The following GRIP1 variants were observed in gnomAD, a reference collection of about 807,000 sequenced individuals.
GRIP1 encodes glutamate receptor interacting protein 1.
A neutral mutation model predicts 129.9 loss-of-function variants in GRIP1; 45 were observed. That is an observed-to-expected ratio of 0.35 (90% confidence interval 0.27 to 0.44). GRIP1 has a LOEUF of 0.44. GRIP1 is among the 20% of genes least tolerant of loss of function. The pLI is 1.00. For synonymous variants in GRIP1, 530 were observed against 520.8 expected (o/e 1.02, Z -0.24); for missense variants, 1,196 against 1,396.8 (o/e 0.86, Z 2.29).
intron 1 of GRIP1, among the ~76,000 whole-genome samples, chr12:66,620,303 G>A (rs918125347): frequency 3.3e-5 from 5 of 152,176 alleles, no homozygotes; most frequent in African/African-American, 9.7e-5. Context: ...GATCTGCTGA[G>A]GGAGCTCTCA....
intron 7 of GRIP1, among the ~76,000 whole-genome samples, chr12:66,495,579 G>A (rs565223021): frequency 5.3e-5 from 8 of 152,134 alleles, no homozygotes; most frequent in South Asian, 2.1e-4. Context: ...CCCACAGGTG[G>A]CATAGTTAAT....
At chr12:66,775,265 T>C (rs905500229) in intron 1 of GRIP1, among the ~76,000 whole-genome samples, 1 of 152,108 alleles carries the variant, frequency 6.6e-6, no homozygotes, top group Middle Eastern at 3.4e-3. Context: ...ACAAAGGGGG[T>C]TGGGACAATT....
At chr12:66,975,151 C>T (rs1466178161) in intron 1 of GRIP1, among the ~76,000 whole-genome samples, 2 of 152,160 alleles carry the variant, frequency 1.3e-5, no homozygotes, top group African/African-American at 2.4e-5. Context: ...AATATTCCTA[C>T]TGCCCCTCAT....
intron 1 of GRIP1, among the ~76,000 whole-genome samples, chr12:67,054,700 G>A (rs1293262830): frequency 1.3e-5 from 2 of 151,686 alleles, no homozygotes; most frequent in Non-Finnish European, 2.9e-5. Flanking sequence ...GGAGGTAGAG[G>A]CTGCAGTGAG....
intron 14 of GRIP1, among the ~76,000 whole-genome samples, chr12:66,426,709 T>C (rs2057998973): frequency 6.6e-6 from 1 of 152,080 alleles, no homozygotes; most frequent in African/African-American, 2.4e-5. Context: ...TGTACCCAAG[T>C]AGGGCTTGTG....
intron 1 of GRIP1, among the ~76,000 whole-genome samples, chr12:66,870,793 C>G (rs1379220764): frequency 6.6e-6 from 1 of 152,034 alleles, no homozygotes; most frequent in African/African-American, 2.4e-5. Flanking sequence ...ACAGTCATGG[C>G]CTTCGTATGT....
In GRIP1 at chr12:66,574,534, C is replaced by T. The variant is rs112675676; in HGVS notation, c.136+22313G>A. On this transcript the variant is annotated intron_variant, in intron 2 of 24. Transcript: ENST00000359742. ...CTTGGAGATCTTTTCATGACATGGCCTACAGGTCTACCTCATACGTTTAAC... is the reference window on the plus strand; with the variant it reads ...CTTGGAGATCTTTTCATGACATGGCTTACAGGTCTACCTCATACGTTTAAC... Among the ~76,000 whole-genome samples, 576 of 152,322 alleles carry T rather than the reference C, an allele frequency of 3.8e-3. 5 individuals are homozygous for T. Among genetic ancestry groups the T allele is most frequent in the African/African-American group, 0.013 (548 of 41,574 alleles).
intron 1 of GRIP1, among the ~76,000 whole-genome samples, chr12:66,747,830 A>T (rs918523591): frequency 1.3e-5 from 2 of 152,224 alleles, no homozygotes; most frequent in African/African-American, 4.8e-5. Context: ...TTTGATCTTT[A>T]ACTCCAAAGG....
intron 1 of GRIP1, among the ~76,000 whole-genome samples, chr12:66,778,029 G>T (rs986759127): frequency 1.3e-5 from 2 of 152,056 alleles, no homozygotes; most frequent in Non-Finnish European, 2.9e-5. Flanking sequence ...AAATTTTGAA[G>T]AATAATATAA....
intron 1 of GRIP1, among the ~76,000 whole-genome samples, chr12:66,789,366 A>T (rs1282301315): frequency 6.6e-6 from 1 of 152,190 alleles, no homozygotes; most frequent in East Asian, 1.9e-4. Context: ...GTTGTGTGAC[A>T]CTGGATAAGC....
intron 1 of GRIP1, among the ~76,000 whole-genome samples, chr12:66,974,882 C>T (rs1234319975): frequency 6.6e-6 from 1 of 152,088 alleles, no homozygotes; most frequent in East Asian, 1.9e-4. Context: ...AATGGCTCTG[C>T]TTTTGTAAAA....
intron 7 of GRIP1, among the ~76,000 whole-genome samples, chr12:66,473,501 A>C (rs2059506870): frequency 1.3e-5 from 2 of 152,218 alleles, no homozygotes; most frequent in South Asian, 4.1e-4. Flanking sequence ...GCCTCCTCAA[A>C]TGGGTCCCTT....
At chr12:66,886,839 C>T (rs2040573912) in intron 1 of GRIP1, among the ~76,000 whole-genome samples, 1 of 152,168 alleles carries the variant, frequency 6.6e-6, no homozygotes, top group Non-Finnish European at 1.5e-5. Flanking sequence ...ATGGCAGATA[C>T]TGATATTACT....
chr12:66,932,507 C>A (rs2041413929), intron 1 of GRIP1, among the ~76,000 whole-genome samples: 1 of 151,958 alleles, frequency 6.6e-6, no homozygotes, highest in Non-Finnish European at 1.5e-5. Context: ...CTCCTCTGTG[C>A]CAGGCTCTGA....
At chr12:66,676,071 A>G (rs1017405085) in intron 1 of GRIP1, among the ~76,000 whole-genome samples, 7 of 152,212 alleles carry the variant, frequency 4.6e-5, no homozygotes, top group African/African-American at 1.2e-4. Context: ...TGTTTTATAC[A>G]TCTTTTAAAA....
At chr12:66,609,026 T>C (rs1324683902) in intron 1 of GRIP1, among the ~76,000 whole-genome samples, 1 of 151,630 alleles carries the variant, frequency 6.6e-6, no homozygotes, top group Non-Finnish European at 1.5e-5. Flanking sequence ...CTTATTGCTA[T>C]GCTGTGAACT....
intron 1 of GRIP1, among the ~76,000 whole-genome samples, chr12:66,855,985 A>T (rs186069830): frequency 0.18 from 23,887 of 130,410 alleles, 2,048 homozygotes; most frequent in East Asian, 0.43. Context: ...AATAAAAATT[A>T]AAAAAAAGGG....
At chr12:66,458,932 T>C (rs1177621232) in intron 9 of GRIP1, among the ~76,000 whole-genome samples, 1 of 152,252 alleles carries the variant, frequency 6.6e-6, no homozygotes, top group Non-Finnish European at 1.5e-5. Context: ...AGAGAAGTTG[T>C]TGCTGATCTC....
At chr12:66,701,080 G>A (rs2035334671) in intron 1 of GRIP1, among the ~76,000 whole-genome samples, 1 of 152,146 alleles carries the variant, frequency 6.6e-6, no homozygotes, top group Non-Finnish European at 1.5e-5. Flanking sequence ...GATTGGGTTG[G>A]AATTCATATC....
Sources: gnomAD v4.1 joint callset for allele counts (sites outside exome capture counted in the v4.1 genomes callset) on GRCh38, gnomAD v4.1.1 for gene constraint, MANE v1.5 for transcripts, NCBI Gene and HGNC (gene_info 2026-07-23, HGNC 2026-07-21) for gene names.